The following FOCAD variants were observed in gnomAD, a reference collection of about 807,000 sequenced individuals.
FOCAD encodes the protein focadhesin.
In FOCAD, 198 loss-of-function variants were observed where a neutral mutation model predicts 225.6. That is an observed-to-expected ratio of 0.88 (90% CI 0.78 to 0.99). FOCAD has a LOEUF of 0.99. FOCAD is among the 50% of genes least tolerant of loss of function. FOCAD has a pLI of 0.00. For missense variants in FOCAD, 2,713 were observed against 2,123.6 expected, an observed-to-expected ratio of 1.28 and a Z score of -5.46; for synonymous variants, 897 against 755.0, an observed-to-expected ratio of 1.19 and a Z score of -3.08.
chr9:20,663,767 G>A (rs1821812417), intron 2 of FOCAD, among the ~76,000 whole-genome samples: 1 of 152,146 alleles, frequency 6.6e-6, no homozygotes, highest in African/African-American at 2.4e-5. Flanking sequence ...TTCCTTTTCA[G>A]ACTTCTGCAT....
intron 5 of FOCAD, among the ~76,000 whole-genome samples, chr9:20,749,777 T>G (rs536463974): frequency 1.4e-4 from 22 of 152,342 alleles, no homozygotes; most frequent in Admixed American, 1.2e-3. Context: ...TATTCAGAGA[T>G]GTAGCAAGAA....
Position 20,908,239 on chromosome 9 carries a change from C to T in FOCAD, c.2718+997C>T, listed in dbSNP as rs185652551. Among the ~76,000 whole-genome samples the T allele has an allele frequency of 2.6e-4, 40 of 151,908 alleles. 1 individual carries two copies. Among genetic ancestry groups the T allele is most frequent in the Middle Eastern group, 3.4e-3 (1 of 294 alleles). On this transcript the variant is annotated intron_variant, in intron 22 of 43. Transcript: ENST00000338382. ...AATTTATGTCCCAGAGTAAGATTTC[C>T]GTGAAGGCTTAAAAGTGAGGTATTG...
At chr9:20,694,307 A>T (rs1451567018) in intron 1 of FOCAD, among the ~76,000 whole-genome samples, 2 of 152,162 alleles carry the variant, frequency 1.3e-5, no homozygotes, top group African/African-American at 2.4e-5. Context: ...GAAGTGTTTT[A>T]TTATTCAAAA....
At chr9:20,681,927 G>C (rs980671831), upstream of FOCAD, among the ~76,000 whole-genome samples, 1 of 152,142 alleles carries the variant, frequency 6.6e-6, no homozygotes, top group Non-Finnish European at 1.5e-5. Context: ...ATCTAGGATA[G>C]GTGTCTGCTG....
intron 29 of FOCAD, 26 bp downstream of exon 29, chr9:20,944,800 TC>T (rs1837024369): frequency 3.2e-6 from 5 of 1,586,620 alleles, no homozygotes; most frequent in Middle Eastern, 1.7e-4. Context: ...TACATTTTTT[TC>T]CCCTCTGCTC....
chr9:20,763,086 A>G, intron 6 of FOCAD, among the ~76,000 whole-genome samples: 1 of 152,314 alleles, frequency 6.6e-6, no homozygotes, highest in Non-Finnish European at 1.5e-5. Flanking sequence ...TATCTTATCT[A>G]ATCATTCCTT....
Position 20,758,083 on chromosome 9 carries a change from C to CT in FOCAD, c.393-4dup. The CT allele has an allele frequency of 6.3e-7, 1 of 1,591,336 alleles. No individual in the cohort carries two copies. Among genetic ancestry groups the CT allele is most frequent in the South Asian group, 1.1e-5 (1 of 87,550 alleles). On this transcript the variant is annotated splice_region_variant and splice_polypyrimidine_tract_variant and intron_variant, in intron 5 of 43. Transcript: ENST00000338382. ...CAGGTTCCCATGTGACTTTCTGTGT[C>CT]TTTCAGAAATCATCCTCATCCTTTG...
At chr9:20,843,277 C>G (rs939468048) in intron 15 of FOCAD, among the ~76,000 whole-genome samples, 11 of 151,952 alleles carry the variant, frequency 7.2e-5, no homozygotes, top group African/African-American at 2.4e-4. Context: ...TTTAGCATTT[C>G]TTGTGGGACA....
chr9:20,930,353 G>A (rs1458326817), intron 27 of FOCAD, among the ~76,000 whole-genome samples: 3 of 152,130 alleles, frequency 2.0e-5, no homozygotes, highest in Admixed American at 6.5e-5. Flanking sequence ...TACATTGATT[G>A]TAGTGGGCTA....
chr9:20,760,286 G>T (rs1829464032), intron 6 of FOCAD, among the ~76,000 whole-genome samples: 1 of 152,166 alleles, frequency 6.6e-6, no homozygotes, highest in Non-Finnish European at 1.5e-5. Context: ...GCACTTACTT[G>T]TTGATATCTT....
chr9:20,870,595 T>C (rs1376191541), intron 18 of FOCAD, among the ~76,000 whole-genome samples: 1 of 152,226 alleles, frequency 6.6e-6, no homozygotes, highest in Non-Finnish European at 1.5e-5. Flanking sequence ...TAGGCTAAGA[T>C]ATGTGGTAAA....
At chr9:20,982,543 A>AT in intron 39 of FOCAD, 97 bp downstream of exon 39, 1 of 913,426 alleles carries the variant, frequency 1.1e-6, no homozygotes, top group South Asian at 1.4e-5. Context: ...GTTTTGCTTC[A>AT]TTTTTGTTAT....
At chr9:20,931,480 G>C (rs996434666) in intron 27 of FOCAD, among the ~76,000 whole-genome samples, 23 of 152,070 alleles carry the variant, frequency 1.5e-4, no homozygotes, top group Admixed American at 3.3e-4. Context: ...TTTTTACCAG[G>C]TAGTAACAAT....
At chr9:20,851,661 CCTA>C (rs1162148586) in intron 15 of FOCAD, among the ~76,000 whole-genome samples, 1 of 151,872 alleles carries the variant, frequency 6.6e-6, no homozygotes, top group African/African-American at 2.4e-5. Flanking sequence ...CTACTCTAGA[CCTA>C]CTGAGTTAGA....
intron 11 of FOCAD, among the ~76,000 whole-genome samples, chr9:20,803,038 A>G (rs1822016129): frequency 6.6e-6 from 1 of 152,088 alleles, no homozygotes; most frequent in South Asian, 2.1e-4. Context: ...ATTATTAATA[A>G]TAATTATCCT....
intron 22 of FOCAD, among the ~76,000 whole-genome samples, chr9:20,911,128 C>G (rs1385434725): frequency 6.6e-6 from 1 of 152,030 alleles, no homozygotes; most frequent in Non-Finnish European, 1.5e-5. Context: ...TTGTTTTATA[C>G]TTTGTTTTGC....
chr9:20,844,191 A>G (rs570282107), intron 15 of FOCAD, among the ~76,000 whole-genome samples: 1 of 152,088 alleles, frequency 6.6e-6, no homozygotes, highest in South Asian at 2.1e-4. Context: ...AACCACCCAG[A>G]TGGCCATTTA....
intron 21 of FOCAD, among the ~76,000 whole-genome samples, chr9:20,898,754 G>A (rs981944845): frequency 2.6e-5 from 4 of 151,858 alleles, no homozygotes; most frequent in African/African-American, 9.7e-5. Flanking sequence ...TTTAAGCTAT[G>A]TATTTTACCT....
intron 11 of FOCAD, among the ~76,000 whole-genome samples, chr9:20,790,518 T>A (rs1820409684): frequency 6.6e-6 from 1 of 152,212 alleles, no homozygotes; most frequent in Non-Finnish European, 1.5e-5. Context: ...ACGCCTGTAA[T>A]CCCAGCACTT....
Sources: gnomAD v4.1 joint callset for allele counts (sites outside exome capture counted in the v4.1 genomes callset) on GRCh38, gnomAD v4.1.1 for gene constraint, MANE v1.5 for transcripts, NCBI Gene and HGNC (gene_info 2026-07-23, HGNC 2026-07-21) for gene names.